The following EPC1 variants were observed in gnomAD, a reference collection of about 807,000 sequenced individuals.
EPC1 encodes enhancer of polycomb homolog 1.
A neutral mutation model predicts 98.4 loss-of-function variants in EPC1; 12 were observed. The ratio of observed to expected loss-of-function variants is 0.12; its 90% CI spans 0.08 to 0.20. The LOEUF is 0.20. Among genes scored for constraint, EPC1 ranks in the 10% least tolerant of loss-of-function variants. The pLI is 1.00. For missense variants in EPC1, 729 were observed against 990.5 expected, an observed-to-expected ratio of 0.74 and a Z score of 3.54; for synonymous variants, 357 against 363.9, an observed-to-expected ratio of 0.98 and a Z score of 0.21.
chr10:32,308,003 A>G (rs1189413529), intron 1 of EPC1, among the ~76,000 whole-genome samples: 1 of 152,218 alleles, frequency 6.6e-6, no homozygotes, highest in Admixed American at 6.5e-5. Context: ...CCTTTAGAAC[A>G]TAGCATTCAA....
At chr10:32,340,409 TATA>T (rs1838264673) in intron 1 of EPC1, among the ~76,000 whole-genome samples, 1 of 152,230 alleles carries the variant, frequency 6.6e-6, no homozygotes, top group Non-Finnish European at 1.5e-5. Flanking sequence ...GAGTGTCCAC[TATA>T]TTTAAAATAC....
intron 1 of EPC1, chr10:32,345,493 A>G (rs1838708475): frequency 2.0e-6 from 2 of 985,412 alleles, no homozygotes; most frequent in African/African-American, 1.7e-5. Context: ...AAATTGTAGC[A>G]CACAAATCCA....
At chr10:32,272,298 G>T in intron 11 of EPC1, 131 bp from the exon 12 acceptor site, 4 of 689,132 alleles carry the variant, frequency 5.8e-6, no homozygotes, top group Non-Finnish European at 9.3e-6. Flanking sequence ...TTTCTATTTT[G>T]GTACCTTGAG....
intron 1 of EPC1, 71 bp downstream of exon 1, chr10:32,346,692 G>T: frequency 6.7e-7 from 1 of 1,484,670 alleles, no homozygotes; most frequent in Non-Finnish European, 9.3e-7. Context: ...TGGGTTTGCT[G>T]CTCCGCCGCC....
At chr10:32,363,198 T>G in intron 1 of EPC1, among the ~76,000 whole-genome samples, 1 of 152,182 alleles carries the variant, frequency 6.6e-6, no homozygotes, top group Non-Finnish European at 1.5e-5. Context: ...CTCAGCCTCC[T>G]GAGCACCTGG....
chr10:32,351,211 C>T (rs4291577), upstream of EPC1, among the ~76,000 whole-genome samples: 13,544 of 152,228 alleles, frequency 0.089, 719 homozygotes, highest in Non-Finnish European at 0.11. Flanking sequence ...TTTATAACTG[C>T]TCTTGTTTTG....
intron 1 of EPC1, among the ~76,000 whole-genome samples, chr10:32,321,511 C>T (rs947130045): frequency 6.6e-6 from 1 of 151,968 alleles, no homozygotes; most frequent in African/African-American, 2.4e-5. Context: ...ACCACCACAC[C>T]CCGCTTAGAT....
intron 6 of EPC1, among the ~76,000 whole-genome samples, chr10:32,290,581 A>G (rs1836957264): frequency 6.6e-6 from 1 of 151,390 alleles, no homozygotes; most frequent in Admixed American, 6.6e-5. Flanking sequence ...TTTTGTATGA[A>G]TTATTTCAAT....
intron 2 of EPC1, among the ~76,000 whole-genome samples, chr10:32,298,258 C>T (rs548455348): frequency 3.3e-5 from 5 of 152,228 alleles, no homozygotes; most frequent in Non-Finnish European, 5.9e-5. Flanking sequence ...TAAGTGTCTA[C>T]GTAACAAGTG....
In EPC1 at chr10:32,284,620, G is replaced by T; in HGVS notation, c.1744+78C>A. On this transcript the variant is annotated intron_variant, in intron 10 of 13. Transcript: ENST00000319778. ...AGGACTTTAAGCCATAAATGTAACA[G>T]ACCACATAGTCGAACAAATGGGAAA... 5 of 1,195,854 alleles carry T rather than the reference G, an allele frequency of 4.2e-6. No homozygotes were observed. The African/African-American group carries it at 6.1e-5, about 15-fold the overall frequency. 74.1% of individuals were successfully genotyped at this position (1,195,854 alleles called of 1,614,324 possible). A position where few individuals can be genotyped will look rare whatever the true frequency, so the allele number is the denominator to read the frequency against.
Position 32,284,786 on chromosome 10 carries a change from A to G in EPC1, c.1656T>C (p.Ser552=). 1.2e-6 allele frequency: 2 copies of G among 1,614,116 alleles called. No individual in the cohort carries two copies. The highest frequency in any genetic ancestry group is 1.1e-5 in the South Asian group (1 of 91,078). The change falls in exon 10 of 14, where the codon AGT becomes AGC. Residue 552 remains serine, a synonymous_variant. Transcript: ENST00000319778. ...DELSCRKLYR[S]INRTGTAQPG... is the part of the protein sequence containing the mutation. ...GTTGTGCTGTTCCTGTTCGGTTTAT[A>G]CTCCTATATAATTTTCTACAGGAGA...
chr10:32,371,394 G>T (rs1839744743), intron 1 of EPC1, among the ~76,000 whole-genome samples: 1 of 152,000 alleles, frequency 6.6e-6, no homozygotes, highest in Non-Finnish European at 1.5e-5. Context: ...GTGGTTGGTG[G>T]AATAAAATCT....
At chr10:32,370,319 T>C (rs1839711114) in intron 1 of EPC1, among the ~76,000 whole-genome samples, 1 of 152,138 alleles carries the variant, frequency 6.6e-6, no homozygotes, top group Non-Finnish European at 1.5e-5. Flanking sequence ...TTTTGAAAGA[T>C]GGAGATGAGA....
chr10:32,270,820 TCAAAAAA>T (rs1336724691), intron 13 of EPC1, among the ~76,000 whole-genome samples: 1 of 46,362 alleles, frequency 2.2e-5, no homozygotes, highest in African/African-American at 1.0e-4. Context: ...AGACTCGGTC[TCAAAAAA>T]AAAAAAAAAA....
chr10:32,325,136 T>C lies in EPC1; in HGVS notation c.154-19205A>G, dbSNP rs192268380. Among the ~76,000 whole-genome samples the C allele has an allele frequency of 9.8e-5, 15 of 152,338 alleles. No individual in the cohort carries two copies. The Middle Eastern group carries it at 0.01, about 104-fold the overall frequency. On this transcript the variant is annotated intron_variant, in intron 1 of 13. Transcript: ENST00000319778. ...CACTGTAGAACTTAAGGACGTTTTA[T>C]GATAAATTCAAGCACTATACTATAT...
intron 1 of EPC1, among the ~76,000 whole-genome samples, chr10:32,329,603 C>G (rs1167931560): frequency 1.3e-5 from 2 of 152,148 alleles, no homozygotes; most frequent in African/African-American, 2.4e-5. Context: ...CCATCATTAT[C>G]TTCATATAAC....
At chr10:32,293,903 C>A (rs1274485763) in intron 2 of EPC1, among the ~76,000 whole-genome samples, 166 bp from the exon 3 acceptor site, 2 of 152,132 alleles carry the variant, frequency 1.3e-5, no homozygotes, top group Non-Finnish European at 2.9e-5. Context: ...TTGTCTTACA[C>A]ATTTAAAGTT....
At chr10:32,365,942 T>C (rs1158410753) in intron 1 of EPC1, among the ~76,000 whole-genome samples, 2 of 149,506 alleles carry the variant, frequency 1.3e-5, no homozygotes, top group Non-Finnish European at 3.0e-5. Context: ...GAGACCAGCC[T>C]GGCCAACATG....
At chr10:32,357,906 A>G (rs2505351) in intron 1 of EPC1, among the ~76,000 whole-genome samples, 140,173 of 146,558 alleles carry the variant, frequency 0.96, 67,370 homozygotes, top group Middle Eastern at 1. Context: ...CCAGGCTGGA[A>G]TGTAATGGCA....
Sources: allele counts gnomAD v4.1 joint callset (sites outside exome capture counted in the v4.1 genomes callset), GRCh38; gene constraint gnomAD v4.1.1; transcripts MANE v1.5; gene names NCBI Gene and HGNC (gene_info 2026-07-23, HGNC 2026-07-21).